The following TMED3 variants were observed in gnomAD, a reference collection of about 807,000 sequenced individuals.
TMED3 encodes transmembrane emp24 domain-containing protein 3.
TMED3 carries 9 observed loss-of-function variants against 15.0 expected under a neutral mutation model. That is an observed-to-expected ratio of 0.60 (90% CI 0.36 to 1.04). The LOEUF (loss-of-function observed/expected upper bound fraction) is 1.04, where lower values mean the gene tolerates loss of function less well. Ranked by LOEUF, TMED3 falls within the 50% of genes least tolerant of loss-of-function variation. The probability of loss-of-function intolerance (pLI) is 0.01; values close to 1 mark genes in which losing one functional copy is unlikely to be tolerated. For synonymous variants in TMED3, 117 were observed against 121.4 expected (o/e 0.96, Z 0.24); for missense variants, 267 against 278.9 (o/e 0.96, Z 0.30).
rs148317969 is a variant in TMED3, at chr15:79,355,576, C to T, written c.417+41571C>T. ...CAGACATCCACAATAACCAGTTGTC[C>T]GACATGGCTTCACAATTTTAAGCAT... On this transcript the variant is annotated intron_variant, in intron 2 of 2. Transcript: ENST00000424155. Among the ~76,000 whole-genome samples the T allele has an allele frequency of 1.3e-3, 201 of 152,278 alleles. 2 individuals are homozygous for T. In the Middle Eastern group the frequency reaches 0.024, roughly 18 times the overall value.
intron 2 of TMED3, among the ~76,000 whole-genome samples, chr15:79,392,691 C>T (rs1192019218): frequency 6.6e-6 from 1 of 152,140 alleles, no homozygotes; most frequent in African/African-American, 2.4e-5. Flanking sequence ...GTGGTCTTGT[C>T]TGATAATGTG....
intron 2 of TMED3, among the ~76,000 whole-genome samples, chr15:79,364,828 C>T (rs1308680463): frequency 2.0e-5 from 3 of 152,116 alleles, no homozygotes; most frequent in African/African-American, 7.2e-5. Flanking sequence ...GAGCCACCTC[C>T]ACCACCCAGT....
intron 2 of TMED3, among the ~76,000 whole-genome samples, chr15:79,389,181 G>A (rs895446147): frequency 1.3e-5 from 2 of 151,992 alleles, no homozygotes; most frequent in African/African-American, 2.4e-5. Context: ...ATGTCTAGAC[G>A]GGCTTTTCCA....
intron 2 of TMED3, among the ~76,000 whole-genome samples, chr15:79,382,333 G>T (rs919270536): frequency 6.6e-6 from 1 of 152,204 alleles, no homozygotes; most frequent in African/African-American, 2.4e-5. Flanking sequence ...TTCTAGGGAG[G>T]CTATAAGCTG....
chr15:79,364,027 T>C (rs1893181556), intron 2 of TMED3, among the ~76,000 whole-genome samples: 1 of 152,200 alleles, frequency 6.6e-6, no homozygotes, highest in Non-Finnish European at 1.5e-5. Context: ...GTCCAGGTTC[T>C]TGTCTCACAA....
At chr15:79,370,256 A>ATTTTTT (rs398028085) in intron 2 of TMED3, among the ~76,000 whole-genome samples, 4 of 104,950 alleles carry the variant, frequency 3.8e-5, no homozygotes, top group African/African-American at 7.4e-5. Flanking sequence ...TGCCCAGCTA[A>ATTTTTT]TTTTTTTTTT....
At chr15:79,350,711 A>G (rs756247039) in intron 2 of TMED3, among the ~76,000 whole-genome samples, 4 of 152,162 alleles carry the variant, frequency 2.6e-5, no homozygotes, top group Non-Finnish European at 4.4e-5. Flanking sequence ...CCCAGGAACA[A>G]TACTTTGCAC....
In TMED3 at chr15:79,313,806, A is replaced by T; in HGVS notation, c.218A>T (p.Gln73Leu). 1 of 1,614,244 alleles carries T rather than the reference A, an allele frequency of 6.2e-7. No homozygotes were observed. The highest frequency in any genetic ancestry group is 8.5e-7 in the Non-Finnish European group (1 of 1,180,048). Residue 73 changes from glutamine (Q) to leucine (L), a missense_variant, in exon 2 of 3, where the codon CAG (glutamine) becomes CTG (leucine). Physicochemically the swap from Gln to Leu is moderately radical, Grantham distance 113 (BLOSUM62 -2). This residue lies in a region of TMED3 where 69 missense variants were observed against 106.8 expected (regional missense o/e 0.65). Transcript: ENST00000299705. Reference protein sequence around the residue: ...YDVDCYVEDPQGNTIYRETKK... With the variant: ...YDVDCYVEDPLGNTIYRETKK... ...GTTGACTGCTATGTAGAGGACCCCC[A>T]GGGGAACACCATCTACAGAGAAACG... is the stretch of plus-strand genomic sequence containing the variant.
At chr15:79,318,576 G>A (rs913921756) in intron 2 of TMED3, among the ~76,000 whole-genome samples, 1 of 152,248 alleles carries the variant, frequency 6.6e-6, no homozygotes, top group Non-Finnish European at 1.5e-5. Flanking sequence ...AAGTCTGCCT[G>A]TATAGGTAGT....
At chr15:79,357,242 T>G (rs1307626025) in intron 2 of TMED3, among the ~76,000 whole-genome samples, 1 of 151,856 alleles carries the variant, frequency 6.6e-6, no homozygotes, top group African/African-American at 2.4e-5. Flanking sequence ...CCTGGCATTT[T>G]GGGAAACTGA....
chr15:79,412,064 AACCAC>A (rs1433571288), exon 3 of TMED3: 1 of 142,922 alleles, frequency 7.0e-6, no homozygotes, highest in Admixed American at 6.9e-5. Flanking sequence ...TGTGCTGGCA[AACCAC>A]ACCATGTTTG....
chr15:79,313,939 CT>C lies in TMED3; in HGVS notation c.354del (p.Gln119LysfsTer27), dbSNP rs1284858841. ...TCTCTCACAAGACCGTCTACTTTGACTTTCAAGTGGGCGATGAGCCTCCCAT... is the reference window on the plus strand; with the variant it reads ...TCTCTCACAAGACCGTCTACTTTGACTTCAAGTGGGCGATGAGCCTCCCAT... Reference protein sequence around the residue: ...TFSHKTVYFDFQVGDEPPILP... With the variant: ...TFSHKTVYFDXQVGDEPPILP... On this transcript the variant is annotated frameshift_variant, in exon 2 of 3. Transcript: ENST00000299705. LOFTEE classifies it high-confidence loss of function. 6.2e-7 allele frequency: 1 copy of C among 1,614,128 alleles called. No homozygotes were observed. Among genetic ancestry groups the C allele is most frequent in the Non-Finnish European group, 8.5e-7 (1 of 1,180,052 alleles).
intron 2 of TMED3, among the ~76,000 whole-genome samples, chr15:79,318,921 A>C (rs2058752159): frequency 6.6e-6 from 1 of 152,186 alleles, no homozygotes; most frequent in African/African-American, 2.4e-5. Flanking sequence ...CCTTCTTAGG[A>C]TCATTTGTTC....
At chr15:79,391,725 T>TA (rs1259981414) in intron 2 of TMED3, among the ~76,000 whole-genome samples, 1 of 152,238 alleles carries the variant, frequency 6.6e-6, no homozygotes, top group Non-Finnish European at 1.5e-5. Flanking sequence ...TCTCATTTCT[T>TA]AGGTCTATTA....
chr15:79,357,136 A>G (rs748642481), intron 2 of TMED3, among the ~76,000 whole-genome samples: 1 of 152,190 alleles, frequency 6.6e-6, no homozygotes, highest in Non-Finnish European at 1.5e-5. Context: ...TTAATAGCTA[A>G]TACTTCTGGA....
intron 2 of TMED3, among the ~76,000 whole-genome samples, chr15:79,318,551 C>T (rs146834163): frequency 8.5e-5 from 13 of 152,148 alleles, no homozygotes; most frequent in African/African-American, 2.2e-4. Context: ...AAATACAGAA[C>T]GGATTTGTGT....
chr15:79,314,518 G>C (rs1351290187), intron 2 of TMED3: 2 of 455,156 alleles, frequency 4.4e-6, no homozygotes, highest in African/African-American at 2.0e-5. Context: ...ATTCTTTCTT[G>C]TCATCTTTCT....
chr15:79,346,239 G>A (rs1595894934), intron 2 of TMED3, among the ~76,000 whole-genome samples: 1 of 152,288 alleles, frequency 6.6e-6, no homozygotes, highest in African/African-American at 2.4e-5. Flanking sequence ...CCTATGTCCA[G>A]AATGGTATTG....
chr15:79,338,812 C>T (rs2058837617), intron 2 of TMED3, among the ~76,000 whole-genome samples: 1 of 152,160 alleles, frequency 6.6e-6, no homozygotes, highest in Non-Finnish European at 1.5e-5. Context: ...AACGGTAATG[C>T]CAGCATCTGG....
Sources: allele counts gnomAD v4.1 joint callset (sites outside exome capture counted in the v4.1 genomes callset), GRCh38; gene constraint gnomAD v4.1.1; regional missense constraint gnomAD v4.1.1; transcripts MANE v1.5; gene names NCBI Gene and HGNC (gene_info 2026-07-23, HGNC 2026-07-21).